LARS2: variants seen among roughly 807,000 people sequenced by gnomAD.
LARS2 encodes leucyl-tRNA synthetase 2, mitochondrial, also known as leucine--tRNA ligase, mitochondrial.
A neutral mutation model predicts 116.6 loss-of-function variants in LARS2; 81 were observed. The ratio of observed to expected loss-of-function variants is 0.69; its 90% confidence interval spans 0.58 to 0.84. LARS2 has a LOEUF of 0.84. Among genes scored for constraint, LARS2 ranks in the 40% least tolerant of loss-of-function variants. The probability of loss-of-function intolerance (pLI) is 0.00; values close to 1 mark genes in which losing one functional copy is unlikely to be tolerated. For missense variants in LARS2, 968 were observed against 1,114.5 expected (o/e 0.87, Z 1.87); for synonymous variants, 396 against 407.2 (o/e 0.97, Z 0.33).
chr3:45,519,657 C>CTT (rs113936742), intron 18 of LARS2: 56 of 144,950 alleles, frequency 3.9e-4, no homozygotes, highest in African/African-American at 6.9e-4. Context: ...ACTAGCATTG[C>CTT]TTTTTTTTTT....
chr3:45,522,067 T>C (rs891294683), intron 19 of LARS2, among the ~76,000 whole-genome samples: 1 of 152,136 alleles, frequency 6.6e-6, no homozygotes, highest in African/African-American at 2.4e-5. Context: ...TTGGTGCCAC[T>C]GTACTCTAGC....
At chr3:45,481,935 G>T (rs1287299546) in intron 10 of LARS2, among the ~76,000 whole-genome samples, 1 of 152,144 alleles carries the variant, frequency 6.6e-6, no homozygotes, top group African/African-American at 2.4e-5. Flanking sequence ...AGGCCACAAA[G>T]ATTTATACGT....
intron 20 of LARS2, among the ~76,000 whole-genome samples, chr3:45,539,429 G>A (rs376410818): frequency 2.6e-5 from 4 of 152,172 alleles, no homozygotes; most frequent in Admixed American, 1.3e-4. Context: ...CCAGGAGTTT[G>A]AGACCAGCCT....
chr3:45,453,823 A>G (rs578168381), intron 7 of LARS2, among the ~76,000 whole-genome samples: 160 of 152,356 alleles, frequency 1.1e-3, no homozygotes, highest in African/African-American at 3.8e-3. Context: ...TGGAACCTGA[A>G]GCTGACAGTA....
chr3:45,468,211 G>T (rs1006199019), intron 8 of LARS2, among the ~76,000 whole-genome samples: 1 of 152,124 alleles, frequency 6.6e-6, no homozygotes, highest in Admixed American at 6.5e-5. Context: ...TCTTAGAAAG[G>T]GATGGTCTTA....
intron 6 of LARS2, among the ~76,000 whole-genome samples, chr3:45,430,254 G>T (rs1188677132): frequency 2.1e-5 from 3 of 143,014 alleles, no homozygotes; most frequent in South Asian, 4.5e-4. Flanking sequence ...TTACAGGCGT[G>T]AGCCACCGCA....
At chr3:45,462,268 A>G (rs1699338611) in intron 8 of LARS2, among the ~76,000 whole-genome samples, 1 of 152,060 alleles carries the variant, frequency 6.6e-6, no homozygotes, top group South Asian at 2.1e-4. Flanking sequence ...GCAGCTCCAG[A>G]CATCGTGTCT....
rs763247398 is a variant in LARS2, at chr3:45,540,746, G to GTCTGTCTGTCTA, written c.2405-1080_2405-1079insGTCTGTCTATCT. On this transcript the variant is annotated intron_variant, in intron 20 of 21. Transcript: ENST00000645846. The stretch of plus-strand genomic sequence containing the variant: ...AACAGAGGCTTGCATGTATCTATCT[G>GTCTGTCTGTCTA]TCTATCTATCTATCTATCTATCTAT... 7.2e-3 allele frequency among the ~76,000 whole-genome samples: 1,072 copies of GTCTGTCTGTCTA among 149,200 alleles called. 5 individuals carry two copies. Among genetic ancestry groups the GTCTGTCTGTCTA allele is most frequent in the Middle Eastern group, 0.01 (3 of 294 alleles).
intron 6 of LARS2, chr3:45,421,982 T>G (rs1439136048): frequency 2.0e-5 from 3 of 152,216 alleles, no homozygotes; most frequent in African/African-American, 7.2e-5. Flanking sequence ...TGAATGCATA[T>G]CTCTTTCACA....
At chr3:45,506,490 T>C (rs1238834409) in intron 15 of LARS2, among the ~76,000 whole-genome samples, 1 of 152,170 alleles carries the variant, frequency 6.6e-6, no homozygotes, top group Non-Finnish European at 1.5e-5. Context: ...TTCTGAAATC[T>C]GTATAAATCA....
intron 4 of LARS2, among the ~76,000 whole-genome samples, chr3:45,415,905 A>G (rs1409051028): frequency 6.8e-5 from 10 of 146,122 alleles, no homozygotes; most frequent in Non-Finnish European, 1.0e-4. Context: ...AGAGAGAGAG[A>G]GAGAGAGAGA....
At chr3:45,433,313 TTTTG>T (rs1192596861) in intron 6 of LARS2, among the ~76,000 whole-genome samples, 2 of 152,208 alleles carry the variant, frequency 1.3e-5, no homozygotes, top group East Asian at 1.9e-4. Flanking sequence ...TATCTCCTGT[TTTTG>T]TTTCTGTTTT....
At chr3:45,439,507 G>C (rs1428674188) in intron 6 of LARS2, among the ~76,000 whole-genome samples, 3 of 152,030 alleles carry the variant, frequency 2.0e-5, no homozygotes, top group South Asian at 2.1e-4. Flanking sequence ...GTGTGAGCCA[G>C]CGCGCCCAGC....
At chr3:45,527,078 T>C (rs116530926) in intron 20 of LARS2, among the ~76,000 whole-genome samples, 2 of 152,282 alleles carry the variant, frequency 1.3e-5, no homozygotes, top group African/African-American at 2.4e-5. Context: ...AGAGTCTCAG[T>C]TGAAATTCCA....
chr3:45,485,842 T>G (rs1367980469), intron 11 of LARS2, 46 bp downstream of exon 11: 7 of 1,254,814 alleles, frequency 5.6e-6, no homozygotes, highest in Non-Finnish European at 8.1e-6. Context: ...TTTTGCAGAT[T>G]TAGAATCAAA....
At chr3:45,397,207 T>A (rs1698061765) in intron 3 of LARS2, among the ~76,000 whole-genome samples, 1 of 152,212 alleles carries the variant, frequency 6.6e-6, no homozygotes, top group Non-Finnish European at 1.5e-5. Flanking sequence ...AATTTCCCTT[T>A]CAATCAGATT....
At chr3:45,417,701 T>C in intron 5 of LARS2, 128 bp downstream of exon 5, 1 of 627,142 alleles carries the variant, frequency 1.6e-6, no homozygotes, top group Non-Finnish European at 2.9e-6. Context: ...TAAATATGAT[T>C]GTGTATATTG....
intron 6 of LARS2, among the ~76,000 whole-genome samples, chr3:45,427,233 A>C (rs1010773069): frequency 6.6e-6 from 1 of 152,178 alleles, no homozygotes; most frequent in Non-Finnish European, 1.5e-5. Context: ...TAGTATTTAA[A>C]AGGTCTTGAA....
At chr3:45,547,312 AT>A in intron 21 of LARS2, 38 bp from the exon 22 acceptor site, 4 of 1,563,822 alleles carry the variant, frequency 2.6e-6, no homozygotes, top group Non-Finnish European at 3.5e-6. Context: ...CACTCTGAGG[AT>A]GTTCCTCATT....
Sources: allele counts gnomAD v4.1 joint callset (sites outside exome capture counted in the v4.1 genomes callset), GRCh38; gene constraint gnomAD v4.1.1; transcripts MANE v1.5; gene names NCBI Gene and HGNC (gene_info 2026-07-23, HGNC 2026-07-21).